Variants in UST observed in about 807,000 individuals in gnomAD.
UST encodes chondroitin sulfate 2-O-sulfotransferase.
A neutral mutation model predicts 45.6 loss-of-function variants in UST; 21 were observed. The ratio of observed to expected loss-of-function variants is 0.46; its 90% CI spans 0.33 to 0.66. UST has a LOEUF of 0.66. UST is among the 30% of genes least tolerant of loss of function. UST has a pLI of 0.02. For synonymous variants in UST, 215 were observed against 200.6 expected (o/e 1.07, Z -0.61); for missense variants, 463 against 512.4 (o/e 0.90, Z 0.93).
intron 5 of UST, chr6:148,992,947 G>A: frequency 1.0e-6 from 1 of 973,110 alleles, no homozygotes; most frequent in Non-Finnish European, 1.2e-6. Context: ...GGATTACAAA[G>A]AAAACAAATT....
chr6:149,017,797 TATACACAC>T (rs369924172), intron 5 of UST, among the ~76,000 whole-genome samples: 3,671 of 59,442 alleles, frequency 0.062, 67 homozygotes, highest in Middle Eastern at 0.1. Flanking sequence ...AATATCCATA[TATACACAC>T]ACACACACAC....
At chr6:148,893,665 A>G (rs543618113) in intron 2 of UST, among the ~76,000 whole-genome samples, 14 of 152,320 alleles carry the variant, frequency 9.2e-5, no homozygotes, top group South Asian at 6.2e-4. Context: ...TGCACAGTCT[A>G]TGCCCTCCGG....
intron 7 of UST, among the ~76,000 whole-genome samples, chr6:149,046,845 G>A (rs1236360621): frequency 6.6e-6 from 1 of 152,220 alleles, no homozygotes; most frequent in African/African-American, 2.4e-5. Context: ...TCATGATGCA[G>A]ATTCCAGCAT....
intron 1 of UST, among the ~76,000 whole-genome samples, chr6:148,868,252 C>A (rs778574102): frequency 1.5e-4 from 23 of 152,152 alleles, no homozygotes; most frequent in Non-Finnish European, 2.6e-4. Flanking sequence ...GAAGCATTTT[C>A]CAACAAGTAA....
At position 148,772,158 on chromosome 6, in the gene UST, G is replaced by A. The variant is rs143481206; in HGVS notation, c.247+24481G>A. On this transcript the variant is annotated intron_variant, in intron 1 of 7. Transcript: ENST00000367463. The stretch of plus-strand genomic sequence containing the variant: ...GTGTCCTACTTTTCATTGGTTTTAT[G>A]TGTTTAGAAAGGAGAGAGAATAGAA... 3.1e-3 allele frequency among the ~76,000 whole-genome samples: 470 copies of A among 152,304 alleles called. 4 individuals carry two copies. Among genetic ancestry groups the A allele is most frequent in the African/African-American group, 0.011 (455 of 41,568 alleles).
At chr6:148,921,894 A>ATC (rs1400321990) in intron 2 of UST, among the ~76,000 whole-genome samples, 1 of 152,038 alleles carries the variant, frequency 6.6e-6, no homozygotes, top group Non-Finnish European at 1.5e-5. Context: ...CATGTGATAC[A>ATC]TCTCTACCCA....
chr6:149,057,497 A>G (rs1011312956), intron 7 of UST, among the ~76,000 whole-genome samples: 1 of 152,242 alleles, frequency 6.6e-6, no homozygotes, highest in African/African-American at 2.4e-5. Flanking sequence ...TATCAGCTAT[A>G]AGAAGAAAAG....
intron 4 of UST, among the ~76,000 whole-genome samples, chr6:148,958,785 T>C (rs1406355742): frequency 6.6e-6 from 1 of 152,146 alleles, no homozygotes; most frequent in Admixed American, 6.5e-5. Context: ...ATTTTTGCAA[T>C]CTACAATGCC....
intron 2 of UST, among the ~76,000 whole-genome samples, chr6:148,912,802 A>G (rs1055907894): frequency 2.0e-5 from 3 of 152,236 alleles, no homozygotes; most frequent in Admixed American, 6.5e-5. Context: ...ATTTAATTCT[A>G]TTACAGAATG....
intron 4 of UST, among the ~76,000 whole-genome samples, chr6:148,957,286 T>C (rs1325337370): frequency 2.0e-5 from 3 of 152,226 alleles, no homozygotes; most frequent in African/African-American, 7.2e-5. Context: ...TGAACTTTAA[T>C]ATATGACAAG....
intron 1 of UST, among the ~76,000 whole-genome samples, chr6:148,783,712 C>T (rs116750987): frequency 3.9e-5 from 6 of 152,160 alleles, no homozygotes; most frequent in South Asian, 2.1e-4. Flanking sequence ...ATGTTCTTAA[C>T]GTGAACACTT....
intron 2 of UST, among the ~76,000 whole-genome samples, chr6:148,918,853 A>G (rs970933161): frequency 1.3e-5 from 2 of 151,844 alleles, no homozygotes; most frequent in African/African-American, 4.8e-5. Flanking sequence ...TAATTTGTGC[A>G]TTTTTGTTAT....
intron 1 of UST, among the ~76,000 whole-genome samples, chr6:148,877,626 G>A (rs1248220074): frequency 7.1e-6 from 1 of 141,256 alleles, no homozygotes; most frequent in Non-Finnish European, 1.5e-5. Flanking sequence ...TGAGTGTGAG[G>A]GGTCGTGTAT....
At chr6:149,039,069 T>A (rs1297666782) in intron 7 of UST, among the ~76,000 whole-genome samples, 1 of 152,168 alleles carries the variant, frequency 6.6e-6, no homozygotes, top group Non-Finnish European at 1.5e-5. Context: ...CTGCAGTTGT[T>A]AGTTGTGGTG....
intron 1 of UST, among the ~76,000 whole-genome samples, chr6:148,785,576 T>C (rs1204799375): frequency 1.3e-5 from 2 of 152,234 alleles, no homozygotes; most frequent in African/African-American, 4.8e-5. Context: ...TTGAAGAATA[T>C]GGCATGCTGA....
intron 1 of UST, among the ~76,000 whole-genome samples, chr6:148,874,802 G>A (rs115351797): frequency 3.3e-5 from 5 of 152,196 alleles, no homozygotes; most frequent in Non-Finnish European, 7.3e-5. Context: ...TGTTAGCAAC[G>A]GCTGGTGTGT....
intron 1 of UST, among the ~76,000 whole-genome samples, chr6:148,848,624 T>A (rs1457521801): frequency 6.8e-6 from 1 of 147,606 alleles, no homozygotes; most frequent in African/African-American, 2.5e-5. Context: ...TGAGCCGAGA[T>A]CGCACCACTG....
At chr6:148,747,880 G>A (rs1775904508) in intron 1 of UST, among the ~76,000 whole-genome samples, 1 of 152,170 alleles carries the variant, frequency 6.6e-6, no homozygotes, top group Admixed American at 6.5e-5. Context: ...CACCGAGGCG[G>A]GGGCGCCGCT....
rs531609082 is a variant in UST at position 148,860,225 on chromosome 6, G to T, written c.248-26761G>T. 3.3e-5 allele frequency among the ~76,000 whole-genome samples: 5 copies of T among 152,294 alleles called. No homozygotes were observed. In the South Asian group the frequency reaches 1.0e-3, roughly 32 times the overall value. Reference sequence around the variant, plus strand: ...ATGTCCTTCACATCACTTGTACGTTGGATTCCTAGGTATTTTATTCTCTTT... The same window carrying T: ...ATGTCCTTCACATCACTTGTACGTTTGATTCCTAGGTATTTTATTCTCTTT... On this transcript the variant is annotated intron_variant, in intron 1 of 7. Transcript: ENST00000367463.
Sources: gnomAD v4.1 joint callset for allele counts (sites outside exome capture counted in the v4.1 genomes callset) on GRCh38, gnomAD v4.1.1 for gene constraint, MANE v1.5 for transcripts, NCBI Gene and HGNC (gene_info 2026-07-23, HGNC 2026-07-21) for gene names.